Variants in PTPRR observed in about 807,000 individuals in gnomAD.
The protein encoded by PTPRR is protein tyrosine phosphatase receptor type R.
Under a neutral mutation model 77.2 loss-of-function variants are expected in PTPRR, and 38 were observed. The observed-to-expected ratio is 0.49, with a 90% CI of 0.38 to 0.65. The LOEUF is 0.65. Among genes scored for constraint, PTPRR ranks in the 30% least tolerant of loss-of-function variants. The probability of loss-of-function intolerance (pLI) is 0.00; values close to 1 mark genes in which losing one functional copy is unlikely to be tolerated. For missense variants in PTPRR, 744 were observed against 799.2 expected (o/e 0.93, Z 0.83); for synonymous variants, 299 against 283.1 (o/e 1.06, Z -0.57).
chr12:70,678,494 A>G (rs191635819), intron 10 of PTPRR, among the ~76,000 whole-genome samples: 1 of 152,122 alleles, frequency 6.6e-6, no homozygotes, highest in East Asian at 1.9e-4. Context: ...ATTGTTCACC[A>G]TAGTCTTTTA....
At chr12:70,748,175 T>C (rs1890272654) in intron 5 of PTPRR, among the ~76,000 whole-genome samples, 1 of 152,156 alleles carries the variant, frequency 6.6e-6, no homozygotes, top group Non-Finnish European at 1.5e-5. Flanking sequence ...ATTTTTGTGG[T>C]GTAATCTCCT....
intron 2 of PTPRR, among the ~76,000 whole-genome samples, chr12:70,856,485 T>C (rs1006650370): frequency 2.0e-5 from 3 of 152,060 alleles, no homozygotes; most frequent in African/African-American, 7.3e-5. Context: ...GGCAATGACA[T>C]TGAACATATT....
At position 70,664,792 on chromosome 12, in the gene PTPRR, C is replaced by G. The variant is rs1453586345; in HGVS notation, c.1498-2187G>C. 3 of 152,176 alleles carry G rather than the reference C, an allele frequency of 2.0e-5. No homozygotes were observed. The East Asian group carries it at 5.8e-4, about 29-fold the overall frequency. The allele number at this position is 152,176 out of a possible 1,614,324, so 9.4% of individuals were successfully genotyped here. On this transcript the variant is annotated intron_variant, in intron 10 of 13. Transcript: ENST00000283228. The stretch of plus-strand genomic sequence containing the variant: ...ATGTGACTTGTTCATTCAAACAACC[C>G]TTAATTAGCATCCCATCTCCTTTCT...
intron 10 of PTPRR, among the ~76,000 whole-genome samples, chr12:70,663,755 T>C (rs1374052741): frequency 6.6e-6 from 1 of 152,212 alleles, no homozygotes; most frequent in Non-Finnish European, 1.5e-5. Flanking sequence ...ATTTTAGAAA[T>C]GTTTAAATAG....
intron 2 of PTPRR, among the ~76,000 whole-genome samples, chr12:70,799,327 A>G (rs905832679): frequency 1.3e-5 from 2 of 152,240 alleles, no homozygotes; most frequent in Admixed American, 1.3e-4. Flanking sequence ...GTATTATTTC[A>G]TAATTACTTA....
chr12:70,886,864 A>G (rs900990771), intron 2 of PTPRR, among the ~76,000 whole-genome samples: 3 of 152,230 alleles, frequency 2.0e-5, no homozygotes, highest in African/African-American at 4.8e-5. Flanking sequence ...CAGCAGGAAC[A>G]AAATAAAAAA....
Position 70,638,979 on chromosome 12 carries a change from A to G in PTPRR, c.*205T>C, listed in dbSNP as rs771826412. The G allele has an allele frequency of 1.8e-6, 1 of 565,816 alleles. No homozygotes were observed. The highest frequency in any genetic ancestry group is 3.2e-6 in the Non-Finnish European group (1 of 317,288). The allele number at this position is 565,816 out of a possible 1,614,324, so 35.0% of individuals were successfully genotyped here. ...TCCATCATCAAAAAACCTTCAGAATAATTTGGGGGATGCTTACAAATGCAT... is the reference window on the plus strand; with the variant it reads ...TCCATCATCAAAAAACCTTCAGAATGATTTGGGGGATGCTTACAAATGCAT... On this transcript the variant is annotated 3_prime_UTR_variant, in exon 14 of 14. Transcript: ENST00000283228.
At chr12:70,800,923 A>T (rs1393768072) in intron 2 of PTPRR, among the ~76,000 whole-genome samples, 2 of 151,612 alleles carry the variant, frequency 1.3e-5, no homozygotes, top group African/African-American at 4.8e-5. Context: ...AGTATTAATG[A>T]CTTTTCCTAA....
chr12:70,674,682 T>A lies in PTPRR; in HGVS notation c.1497+9445A>T, dbSNP rs536674934. On this transcript the variant is annotated intron_variant, in intron 10 of 13. Coordinates refer to ENST00000283228, the MANE Select transcript of PTPRR (RefSeq NM_002849.4). Reference sequence around the variant, plus strand: ...GTCACTTTTCACAAAATCTCATGCTTTGAAAATTTATATTATGAGATTATT... The same window carrying A: ...GTCACTTTTCACAAAATCTCATGCTATGAAAATTTATATTATGAGATTATT... Among the ~76,000 whole-genome samples the A allele has an allele frequency of 2.6e-5, 4 of 152,276 alleles. No homozygotes were observed. The South Asian group carries it at 8.3e-4, about 32-fold the overall frequency.
intron 2 of PTPRR, among the ~76,000 whole-genome samples, chr12:70,788,630 A>T (rs1234806679): frequency 6.6e-6 from 1 of 152,204 alleles, no homozygotes; most frequent in Non-Finnish European, 1.5e-5. Flanking sequence ...GAATGACTGC[A>T]TAGCATTTTC....
intron 2 of PTPRR, among the ~76,000 whole-genome samples, chr12:70,859,541 G>T (rs961664276): frequency 6.6e-6 from 1 of 151,988 alleles, no homozygotes; most frequent in Non-Finnish European, 1.5e-5. Context: ...GCTAGTGAGG[G>T]TATAAGATTT....
intron 5 of PTPRR, among the ~76,000 whole-genome samples, chr12:70,753,804 C>T (rs34660739): frequency 0.078 from 11,858 of 152,132 alleles, 541 homozygotes; most frequent in African/African-American, 0.11. Context: ...AAAGACATAT[C>T]TCTTTTTAAA....
intron 13 of PTPRR, among the ~76,000 whole-genome samples, chr12:70,649,835 A>G (rs1886330962): frequency 6.6e-6 from 1 of 152,104 alleles, no homozygotes. Context: ...TCATCCTCCC[A>G]AAGTCTGGGA....
Position 70,872,511 on chromosome 12 carries a change from T to G in PTPRR, c.357+20168A>C, listed in dbSNP as rs562902618. Among the ~76,000 whole-genome samples, 10 of 151,468 alleles carry G rather than the reference T, an allele frequency of 6.6e-5. No individual in the cohort carries two copies. The South Asian group carries it at 1.9e-3, about 29-fold the overall frequency. On this transcript the variant is annotated intron_variant, in intron 2 of 13. Transcript: ENST00000283228. ...GAGATCGAGACCATCCTGGCTAACATGATGAAACCCCGTCTCTACTAAAAA... is the reference window on the plus strand; with the variant it reads ...GAGATCGAGACCATCCTGGCTAACAGGATGAAACCCCGTCTCTACTAAAAA...
intron 2 of PTPRR, among the ~76,000 whole-genome samples, chr12:70,834,028 C>A (rs1996090): frequency 3.4e-4 from 52 of 152,172 alleles, no homozygotes; most frequent in African/African-American, 1.2e-3. Context: ...AGGAACTTTG[C>A]GTTTTGCCAT....
intron 6 of PTPRR, among the ~76,000 whole-genome samples, chr12:70,734,875 T>C (rs1000500932): frequency 2.6e-5 from 4 of 152,228 alleles, no homozygotes; most frequent in Non-Finnish European, 5.9e-5. Context: ...AAATAATATA[T>C]GTTGGCTCCT....
At chr12:70,646,489 G>C (rs138944953) in intron 13 of PTPRR, among the ~76,000 whole-genome samples, 1 of 151,894 alleles carries the variant, frequency 6.6e-6, no homozygotes, top group Non-Finnish European at 1.5e-5. Flanking sequence ...AAAATTAGCC[G>C]TTTTCCTCTG....
chr12:70,795,763 T>A (rs1182689895), intron 2 of PTPRR, among the ~76,000 whole-genome samples: 3 of 152,162 alleles, frequency 2.0e-5, no homozygotes, highest in Admixed American at 2.0e-4. Flanking sequence ...TATGTTTGGT[T>A]ACCAAATGCA....
At chr12:70,911,830 A>G (rs1299350655) in intron 1 of PTPRR, among the ~76,000 whole-genome samples, 1 of 152,144 alleles carries the variant, frequency 6.6e-6, no homozygotes, top group Non-Finnish European at 1.5e-5. Context: ...TAAACATAAA[A>G]AGAATAAGAA....
Sources: gnomAD v4.1 joint callset for allele counts (sites outside exome capture counted in the v4.1 genomes callset) on GRCh38, gnomAD v4.1.1 for gene constraint, MANE v1.5 for transcripts, NCBI Gene and HGNC (gene_info 2026-07-23, HGNC 2026-07-21) for gene names.